GAN: variants seen among roughly 807,000 people sequenced by gnomAD.
GAN encodes gigaxonin.
GAN carries 48 observed loss-of-function variants against 71.3 expected under a neutral mutation model. That is an observed-to-expected ratio of 0.67 (90% CI 0.53 to 0.86). The LOEUF (loss-of-function observed/expected upper bound fraction) is 0.86, where lower values mean the gene tolerates loss of function less well. Ranked by LOEUF, GAN falls within the 40% of genes least tolerant of loss-of-function variation. GAN has a pLI of 0.00. For synonymous variants in GAN, 386 were observed against 276.8 expected (o/e 1.39, Z -3.92); for missense variants, 928 against 770.1 (o/e 1.21, Z -2.43).
Position 81,315,047 on chromosome 16 carries a change from G to T in GAN, c.-67G>T. On this transcript the variant is annotated 5_prime_UTR_variant, in exon 1 of 11. Coordinates refer to ENST00000648994, the MANE Select transcript of GAN (RefSeq NM_022041.4). ...GGGCGGGCGCGCGCGCAGGACTCGG[G>T]CCGCTCGAGGGGTCCGGCCGGACGG... 1 of 1,290,940 alleles carries T rather than the reference G, an allele frequency of 7.7e-7. No individual in the cohort carries two copies. The allele number at this position is 1,290,940 out of a possible 1,614,324, so 80.0% of individuals were successfully genotyped here.
Position 81,377,235 on chromosome 16 carries a change from G to C in GAN, c.1519G>C (p.Asp507His). The change falls in exon 10 of 11, where the codon GAC (aspartate) becomes CAC (histidine). Residue 507 changes from aspartate to histidine, a missense_variant. Physicochemically the swap from Asp to His is moderately conservative, Grantham distance 81 (BLOSUM62 -1). Coordinates refer to ENST00000648994, the MANE Select transcript of GAN (RefSeq NM_022041.4). ...TGTTTTCAGGTGGATCTATCTTAAC[G>C]ACCAGAATTTATGCATCCCCGCCAG... The part of the protein sequence containing the change: ...DEFKRWIYLN[D>H]QNLCIPASSS... 6.2e-7 allele frequency: 1 copy of C among 1,605,622 alleles called. No individual in the cohort carries two copies.
intron 9 of GAN, among the ~76,000 whole-genome samples, chr16:81,374,299 C>T (rs1904275325): frequency 6.6e-6 from 1 of 152,174 alleles, no homozygotes; most frequent in Admixed American, 6.5e-5. Flanking sequence ...TTAGATTTCT[C>T]CACTGGAAAG....
At chr16:81,322,911 A>G (rs903810770) in intron 1 of GAN, among the ~76,000 whole-genome samples, 4 of 152,204 alleles carry the variant, frequency 2.6e-5, no homozygotes, top group Admixed American at 1.3e-4. Flanking sequence ...TTTCTAACCC[A>G]CAGAGAACAT....
In GAN at chr16:81,354,631, T is replaced by G. The variant is rs1567491525; in HGVS notation, c.509T>G (p.Phe170Cys). 6.2e-7 allele frequency: 1 copy of G among 1,613,714 alleles called. No homozygotes were observed. Among genetic ancestry groups the G allele is most frequent in the Non-Finnish European group, 8.5e-7 (1 of 1,179,604 alleles). ...CGAGACGTCAGCAGCACGGAAGAAT[T>G]CTTAGAGCTGAGTCCTCAAAAGCTT... ...HFRDVSSTEE[F>C]LELSPQKLKE... The change falls in exon 3 of 11, where the codon TTC becomes TGC. Residue 170 changes from phenylalanine to cysteine, a missense_variant. Transcript: ENST00000648994.
intron 2 of GAN, among the ~76,000 whole-genome samples, chr16:81,353,517 T>A (rs1910375996): frequency 6.6e-6 from 1 of 152,216 alleles, no homozygotes; most frequent in Non-Finnish European, 1.5e-5. Context: ...TTGCTCAGTT[T>A]CTAAGATGAT....
intron 2 of GAN, among the ~76,000 whole-genome samples, chr16:81,353,277 G>C (rs926939531): frequency 7.7e-6 from 1 of 130,644 alleles, no homozygotes; most frequent in Non-Finnish European, 1.6e-5. Flanking sequence ...GGGCGACAGA[G>C]CGAGACTCCG....
At chr16:81,322,292 A>G (rs1417284125) in intron 1 of GAN, among the ~76,000 whole-genome samples, 1 of 152,220 alleles carries the variant, frequency 6.6e-6, no homozygotes, top group African/African-American at 2.4e-5. Context: ...ATCTTGGTGA[A>G]ATATTTTGTT....
At chr16:81,362,974 G>A (rs1910728989) in intron 6 of GAN, among the ~76,000 whole-genome samples, 1 of 152,184 alleles carries the variant, frequency 6.6e-6, no homozygotes, top group African/African-American at 2.4e-5. Flanking sequence ...TCACGGACCA[G>A]GCATTTAAAG....
At chr16:81,341,669 C>G (rs1031917246) in intron 1 of GAN, among the ~76,000 whole-genome samples, 1 of 152,166 alleles carries the variant, frequency 6.6e-6, no homozygotes, top group Middle Eastern at 3.2e-3. Context: ...GTACCAGCCA[C>G]TGTAAAAACA....
At chr16:81,343,790 A>G (rs113907722) in intron 1 of GAN, among the ~76,000 whole-genome samples, 149 of 152,346 alleles carry the variant, frequency 9.8e-4, no homozygotes, top group African/African-American at 3.5e-3. Context: ...AGAGAAAGCA[A>G]TAAAGCGTAT....
In GAN at chr16:81,354,614, C is replaced by T. The variant is rs553692036; in HGVS notation, c.492C>T (p.Val164=). 43 of 1,613,688 alleles carry T rather than the reference C, an allele frequency of 2.7e-5. No individual in the cohort carries two copies. The highest frequency in any genetic ancestry group is 3.6e-5 in the Non-Finnish European group (42 of 1,179,702). Residue 164 remains valine, a synonymous_variant, in exon 3 of 11, where the codon GTC becomes GTT. Coordinates refer to ENST00000648994, the MANE Select transcript of GAN (RefSeq NM_022041.4). The stretch of plus-strand genomic sequence containing the variant: ...ACCTGGAGACTCATTTCCGAGACGT[C>T]AGCAGCACGGAAGAATTCTTAGAGC... ...TEYLETHFRD[V]SSTEEFLELS...
intron 2 of GAN, among the ~76,000 whole-genome samples, chr16:81,354,050 C>G (rs190234459): frequency 5.8e-4 from 89 of 152,258 alleles, no homozygotes; most frequent in Non-Finnish European, 5.0e-4. Context: ...GTTGACTTTA[C>G]CATAGAATGT....
chr16:81,339,477 A>G (rs1909872307), intron 1 of GAN, among the ~76,000 whole-genome samples: 1 of 152,196 alleles, frequency 6.6e-6, no homozygotes, highest in South Asian at 2.1e-4. Flanking sequence ...TTTATTGTAC[A>G]TGTAATCATC....
At chr16:81,318,050 G>A (rs1254949693) in intron 1 of GAN, among the ~76,000 whole-genome samples, 2 of 152,156 alleles carry the variant, frequency 1.3e-5, no homozygotes, top group Non-Finnish European at 2.9e-5. Context: ...TAACTAGAAA[G>A]AAATTTGTTA....
intron 9 of GAN, among the ~76,000 whole-genome samples, chr16:81,366,978 C>T (rs1910878905): frequency 6.6e-6 from 1 of 152,130 alleles, no homozygotes; most frequent in African/African-American, 2.4e-5. Flanking sequence ...GCGCATGCCA[C>T]CATGCCTGGC....
intron 1 of GAN, among the ~76,000 whole-genome samples, chr16:81,336,881 C>A (rs1055471478): frequency 6.6e-6 from 1 of 152,134 alleles, no homozygotes; most frequent in East Asian, 1.9e-4. Flanking sequence ...CCCCCATTAT[C>A]AGTATACCAC....
chr16:81,341,015 A>G (rs1019061260), intron 1 of GAN, among the ~76,000 whole-genome samples: 1 of 151,920 alleles, frequency 6.6e-6, no homozygotes, highest in Non-Finnish European at 1.5e-5. Context: ...TCAGTAGCTG[A>G]TTCGATCAAG....
chr16:81,328,985 C>T (rs934163378), intron 1 of GAN, among the ~76,000 whole-genome samples: 1 of 152,102 alleles, frequency 6.6e-6, no homozygotes, highest in Non-Finnish European at 1.5e-5. Context: ...GTTTCATCTA[C>T]AGTATTAGAT....
chr16:81,352,561 A>G (rs1325133924), intron 2 of GAN, among the ~76,000 whole-genome samples: 1 of 151,770 alleles, frequency 6.6e-6, no homozygotes, highest in Non-Finnish European at 1.5e-5. Context: ...TTCTTTCTTT[A>G]TCCCTCTTGT....
Sources: allele counts gnomAD v4.1 joint callset (sites outside exome capture counted in the v4.1 genomes callset), GRCh38; gene constraint gnomAD v4.1.1; transcripts MANE v1.5; gene names NCBI Gene and HGNC (gene_info 2026-07-23, HGNC 2026-07-21).